Variants in CEMIP observed in about 807,000 individuals in gnomAD.
The protein encoded by CEMIP is cell migration-inducing and hyaluronan-binding protein.
A neutral mutation model predicts 156.9 loss-of-function variants in CEMIP; 105 were observed. The ratio of observed to expected loss-of-function variants is 0.67; its 90% CI spans 0.57 to 0.79. The LOEUF (loss-of-function observed/expected upper bound fraction) is 0.79. CEMIP is among the 30% of genes least tolerant of loss of function. The pLI, the probability that CEMIP is intolerant of heterozygous loss-of-function variation, is 0.00. For synonymous variants in CEMIP, 676 were observed against 668.4 expected, an observed-to-expected ratio of 1.01 and a Z score of -0.17; for missense variants, 1,457 against 1,769.4, an observed-to-expected ratio of 0.82 and a Z score of 3.17.
intron 3 of CEMIP, among the ~76,000 whole-genome samples, chr15:80,875,021 ATTTTTTTTTTTTTTTTTTTT>A (rs755707756): frequency 1.7e-3 from 111 of 64,966 alleles, no homozygotes; most frequent in African/African-American, 6.7e-3. Flanking sequence ...AGCAAGTAGC[ATTTTTTTTTTTTTTTTTTTT>A]TTTTTTTTTT....
intron 29 of CEMIP, 146 bp from the exon 30 acceptor site, chr15:80,948,651 A>C: frequency 9.3e-7 from 1 of 1,070,338 alleles, no homozygotes; most frequent in South Asian, 1.3e-5. Flanking sequence ...AGCTGAGCAC[A>C]GAGCTCTTCC....
At chr15:80,935,044 C>T (rs1901066244) in intron 23 of CEMIP, among the ~76,000 whole-genome samples, 1 of 152,176 alleles carries the variant, frequency 6.6e-6, no homozygotes, top group South Asian at 2.1e-4. Flanking sequence ...TGCAGAGGCA[C>T]CTCTCTCCCA....
At chr15:80,851,347 A>AT (rs1567069390) in intron 1 of CEMIP, among the ~76,000 whole-genome samples, 1 of 152,194 alleles carries the variant, frequency 6.6e-6, no homozygotes. Context: ...TCATTTGTTC[A>AT]TTGATCCGTT....
chr15:80,939,210 C>T (rs1204173633), intron 25 of CEMIP, among the ~76,000 whole-genome samples: 1 of 152,186 alleles, frequency 6.6e-6, no homozygotes, highest in Non-Finnish European at 1.5e-5. Context: ...TGGGCAATTA[C>T]AGGCTCCCCA....
chr15:80,827,393 C>T (rs1301362026), intron 1 of CEMIP, among the ~76,000 whole-genome samples: 2 of 152,064 alleles, frequency 1.3e-5, no homozygotes, highest in African/African-American at 2.4e-5. Flanking sequence ...CTGAAGTGGG[C>T]GGATCACCTG....
At chr15:80,780,198 G>C (rs1895754888) in intron 1 of CEMIP, among the ~76,000 whole-genome samples, 1 of 152,074 alleles carries the variant, frequency 6.6e-6, no homozygotes, top group African/African-American at 2.4e-5. Context: ...GCCGAGCTGA[G>C]GCAATTGCAA....
rs181307433 is a variant in CEMIP, at chr15:80,870,605, C to T, written c.-175-2933C>T. Among the ~76,000 whole-genome samples the T allele has an allele frequency of 1.7e-4, 26 of 152,152 alleles. No individual in the cohort carries two copies. The East Asian group carries it at 3.7e-3, about 22-fold the overall frequency. On this transcript the variant is annotated intron_variant, in intron 1 of 29. Transcript: ENST00000394685. ...AAGGGAGAGCAGAGACTCAGGTGCC[C>T]GGTGAGCAATGGCAGTGAGGAGAAG... is the stretch of plus-strand genomic sequence containing the variant.
chr15:80,949,507 A>C lies in CEMIP; in HGVS notation c.*583A>C, dbSNP rs1315037236. The C allele has an allele frequency of 2.3e-5, 4 of 174,200 alleles. No homozygotes were observed. In the East Asian group the frequency reaches 5.7e-4, roughly 25 times the overall value. 10.8% of individuals were successfully genotyped at this position (174,200 alleles called of 1,614,324 possible). On this transcript the variant is annotated 3_prime_UTR_variant, in exon 30 of 30. Transcript: ENST00000394685. ...CGTGTCCACCTTTCAGGAGACTTTG[A>C]GTGGCAGGTTTGGACTTGGACTAGA...
chr15:80,792,654 G>A (rs1896110624), intron 1 of CEMIP, among the ~76,000 whole-genome samples: 1 of 152,242 alleles, frequency 6.6e-6, no homozygotes, highest in African/African-American at 2.4e-5. Flanking sequence ...AGCAGACACT[G>A]TATGTAGAGA....
At chr15:80,898,141 T>G (rs1899308185) in intron 12 of CEMIP, among the ~76,000 whole-genome samples, 1 of 152,166 alleles carries the variant, frequency 6.6e-6, no homozygotes, top group Admixed American at 6.5e-5. Context: ...AGAAGACATT[T>G]TTGGTTTGGG....
chr15:80,894,982 A>G lies in CEMIP; in HGVS notation c.1087-8A>G, dbSNP rs1366506136. 4 of 1,613,876 alleles carry G rather than the reference A, an allele frequency of 2.5e-6. No individual in the cohort carries two copies. The African/African-American group carries it at 5.3e-5, about 22-fold the overall frequency. ...GACTTTGCTCTGTAATTTCTGTGTC[A>G]TTCCCAGGCCACTACAATGGATGGA... On this transcript the variant is annotated splice_polypyrimidine_tract_variant and splice_region_variant and intron_variant, in intron 10 of 29. Coordinates refer to ENST00000394685, the MANE Select transcript of CEMIP (RefSeq NM_001293298.2).
Position 80,951,260 on chromosome 15 carries a change from A to G in CEMIP, c.*2336A>G, listed in dbSNP as rs929740703. The G allele has an allele frequency of 2.0e-5, 3 of 152,658 alleles. No homozygotes were observed. The highest frequency in any genetic ancestry group is 4.8e-5 in the African/African-American group (2 of 41,466). 9.5% of individuals were successfully genotyped at this position (152,658 alleles called of 1,614,324 possible). ...CTTTGGCTCAGTTCATTTAAAAAAG[A>G]TATCTATTTGAAAGTTCTCAGAGTT... On this transcript the variant is annotated 3_prime_UTR_variant, in exon 30 of 30. Coordinates refer to ENST00000394685, the MANE Select transcript of CEMIP (RefSeq NM_001293298.2).
chr15:80,947,000 T>C lies in CEMIP; in HGVS notation c.3893T>C (p.Val1298Ala), dbSNP rs765380081. The C allele has an allele frequency of 5.6e-6, 9 of 1,613,822 alleles. No homozygotes were observed. The East Asian group carries it at 1.8e-4, about 32-fold the overall frequency. Reference protein sequence around the residue: ...IVLMASKGRYVSRGPWTRVLE... With the variant: ...IVLMASKGRYASRGPWTRVLE... ...CTTATGGCATCAAAGGGAAGATACG[T>C]CTCCAGAGGCCCATGGACCAGAGTG... Residue 1298 changes from valine (V) to alanine (A), a missense_variant, in exon 29 of 30, where the codon GTC becomes GCC. Around this residue, in one of 5 missense-constraint regions of CEMIP, gnomAD observed 798 missense variants for 980.1 expected, o/e 0.81. Transcript: ENST00000394685.
At chr15:80,796,592 A>G (rs997999486) in intron 1 of CEMIP, among the ~76,000 whole-genome samples, 3 of 152,190 alleles carry the variant, frequency 2.0e-5, no homozygotes, top group African/African-American at 7.2e-5. Flanking sequence ...TATCAGTCTG[A>G]CCTGTTTACC....
In CEMIP at chr15:80,880,413, T is replaced by C. The variant is rs562884898; in HGVS notation, c.381-487T>C. Reference sequence around the variant, plus strand: ...TTTATTTTGGTCTGGCTTAGGAAGATTGGGTTGCTAATGTTTTTGTTGTTA... The same window carrying C: ...TTTATTTTGGTCTGGCTTAGGAAGACTGGGTTGCTAATGTTTTTGTTGTTA... On this transcript the variant is annotated intron_variant, in intron 5 of 29. Transcript: ENST00000394685. Among the ~76,000 whole-genome samples the C allele has an allele frequency of 1.4e-4, 22 of 152,250 alleles. No individual in the cohort carries two copies. The South Asian group carries it at 4.6e-3, about 32-fold the overall frequency.
At chr15:80,931,800 C>T in intron 21 of CEMIP, 59 bp from the exon 22 acceptor site, 1 of 1,558,984 alleles carries the variant, frequency 6.4e-7, no homozygotes, top group Non-Finnish European at 8.8e-7. Flanking sequence ...GTCTTACTTC[C>T]TTAACTCCAT....
At chr15:80,830,406 A>G (rs1254291305) in intron 1 of CEMIP, among the ~76,000 whole-genome samples, 2 of 152,112 alleles carry the variant, frequency 1.3e-5, no homozygotes, top group Admixed American at 6.5e-5. Context: ...CCCAGGATGG[A>G]GTAAGAGCCA....
At chr15:80,817,266 G>T (rs1896805713) in intron 1 of CEMIP, among the ~76,000 whole-genome samples, 1 of 152,098 alleles carries the variant, frequency 6.6e-6, no homozygotes, top group Admixed American at 6.6e-5. Context: ...ATTGGATATT[G>T]CTTATAGGAG....
intron 1 of CEMIP, among the ~76,000 whole-genome samples, chr15:80,835,929 A>G (rs1897260962): frequency 6.6e-6 from 1 of 151,642 alleles, no homozygotes; most frequent in Non-Finnish European, 1.5e-5. Flanking sequence ...GGAAATATCT[A>G]CATGTTTATT....
Sources: gnomAD v4.1 joint callset for allele counts (sites outside exome capture counted in the v4.1 genomes callset) on GRCh38, gnomAD v4.1.1 for gene constraint, gnomAD v4.1.1 regional missense constraint, MANE v1.5 for transcripts, NCBI Gene and HGNC (gene_info 2026-07-23, HGNC 2026-07-21) for gene names.